Variants in TARS3 observed in about 807,000 individuals in gnomAD.
The protein encoded by TARS3 is threonyl-tRNA synthetase 3, also known as threonine--tRNA ligase 2, cytoplasmic.
A neutral mutation model predicts 103.5 loss-of-function variants in TARS3; 94 were observed. The observed-to-expected ratio is 0.91, with a 90% CI of 0.77 to 1.08. The LOEUF (loss-of-function observed/expected upper bound fraction) is 1.08, where lower values mean the gene tolerates loss of function less well. TARS3 is among the 50% of genes least tolerant of loss of function. The pLI is 0.00. For missense variants in TARS3, 952 were observed against 995.2 expected, an observed-to-expected ratio of 0.96 and a Z score of 0.58; for synonymous variants, 416 against 355.4, an observed-to-expected ratio of 1.17 and a Z score of -1.92.
intron 13 of TARS3, among the ~76,000 whole-genome samples, chr15:101,674,731 G>A (rs1235678385): frequency 6.6e-6 from 1 of 151,942 alleles, no homozygotes; most frequent in Admixed American, 6.6e-5. Context: ...CGTGAACCCG[G>A]GAGGTGGAGC....
intron 18 of TARS3, chr15:101,655,998 C>G: frequency 1.0e-5 from 13 of 1,289,222 alleles, no homozygotes; most frequent in Non-Finnish European, 1.3e-5. Flanking sequence ...ATGCTTCTTG[C>G]CACACAGAAG....
intron 6 of TARS3, among the ~76,000 whole-genome samples, chr15:101,708,074 T>C (rs1036874558): frequency 3.3e-5 from 5 of 151,814 alleles, no homozygotes; most frequent in African/African-American, 1.2e-4. Flanking sequence ...CAAAACTTTG[T>C]CTCTACTAAA....
intron 10 of TARS3, among the ~76,000 whole-genome samples, chr15:101,688,929 G>T (rs1396502413): frequency 6.6e-6 from 1 of 152,134 alleles, no homozygotes; most frequent in Admixed American, 6.5e-5. Flanking sequence ...CAGATACCCA[G>T]TCCTATGTCT....
At chr15:101,654,860 G>T in intron 18 of TARS3, 130 bp from the exon 19 acceptor site, 1 of 873,536 alleles carries the variant, frequency 1.1e-6, no homozygotes, top group Non-Finnish European at 1.8e-6. Flanking sequence ...TGAGCATTTG[G>T]TTCATCCTCT....
At chr15:101,685,257 T>G (rs1898418963) in intron 11 of TARS3, among the ~76,000 whole-genome samples, 1 of 152,198 alleles carries the variant, frequency 6.6e-6, no homozygotes, top group Admixed American at 6.5e-5. Flanking sequence ...CTATTCAGTT[T>G]CAGTTGTACA....
intron 6 of TARS3, 96 bp from the exon 7 acceptor site, chr15:101,705,843 C>G (rs1596320400): frequency 5.8e-6 from 6 of 1,041,602 alleles, no homozygotes; most frequent in Admixed American, 2.0e-5. Context: ...AGGTCATCTA[C>G]TGATGTTCTA....
At chr15:101,703,165 T>G (rs181144356) in intron 8 of TARS3, among the ~76,000 whole-genome samples, 1 of 152,220 alleles carries the variant, frequency 6.6e-6, no homozygotes, top group Non-Finnish European at 1.5e-5. Flanking sequence ...GTTTTCTCCA[T>G]TACAACATCA....
chr15:101,668,488 A>T (rs1567325976), intron 15 of TARS3, among the ~76,000 whole-genome samples: 2 of 152,180 alleles, frequency 1.3e-5, no homozygotes, highest in Non-Finnish European at 1.5e-5. Flanking sequence ...AATCACCATA[A>T]CAGATAGAAT....
Position 101,721,157 on chromosome 15 carries a change from T to C in TARS3, c.535A>G (p.Thr179Ala). 6.2e-7 allele frequency: 1 copy of C among 1,602,636 alleles called. No individual in the cohort carries two copies. The highest frequency in any genetic ancestry group is 2.2e-5 in the East Asian group (1 of 44,554). ...TCAGCAGCCACTTGGTAAGGCGTTG[T>C]TTTCCAGACTTCCCCTTGCACTGTT... ...GQTVQGEVWK[T>A]TPYQVAAEIS... Residue 179 changes from threonine to alanine, a missense_variant, in exon 3 of 19, where the codon ACA (threonine) becomes GCA (alanine). Physicochemically the swap from Thr to Ala is moderately conservative, Grantham distance 58. Transcript: ENST00000335968.
At chr15:101,723,069 A>G (rs1404945735) in intron 2 of TARS3, 24 bp downstream of exon 2, 3 of 1,602,430 alleles carry the variant, frequency 1.9e-6, no homozygotes, top group Non-Finnish European at 1.7e-6. Context: ...AGTATTTTAT[A>G]TTGTTTCCAC....
intron 6 of TARS3, among the ~76,000 whole-genome samples, chr15:101,707,278 G>A (rs538056532): frequency 1.4e-4 from 21 of 152,284 alleles, no homozygotes; most frequent in African/African-American, 4.1e-4. Flanking sequence ...ACGGTATGGC[G>A]AGTTCTCGAA....
rs1298230994 is a variant in TARS3 at position 101,655,243 on chromosome 15, T to C, written c.2261-513A>G. ...ACACTGACCCCACCTGGCACTAGGGTGCAAATGAGAGGGGGGAGCTCTTAC... is the reference window on the plus strand; with the variant it reads ...ACACTGACCCCACCTGGCACTAGGGCGCAAATGAGAGGGGGGAGCTCTTAC... On this transcript the variant is annotated intron_variant, in intron 18 of 18. Transcript: ENST00000335968. Among the ~76,000 whole-genome samples, 86 of 95,028 alleles carry C rather than the reference T, an allele frequency of 9.0e-4. 1 individual carries two copies. Among genetic ancestry groups the C allele is most frequent in the African/African-American group, 2.3e-3 (52 of 22,340 alleles). The allele number at this position is 95,028 out of a possible 152,430, so 62.3% of individuals were successfully genotyped here.
chr15:101,702,683 C>A, intron 8 of TARS3, among the ~76,000 whole-genome samples: 1 of 152,150 alleles, frequency 6.6e-6, no homozygotes, highest in East Asian at 1.9e-4. Flanking sequence ...GGCAGGAGGA[C>A]TGTTTGAGCC....
intron 4 of TARS3, among the ~76,000 whole-genome samples, chr15:101,712,567 G>A (rs559841775): frequency 6.6e-6 from 1 of 152,166 alleles, no homozygotes; most frequent in Non-Finnish European, 1.5e-5. Context: ...GCCAGGGAAC[G>A]TCTGCTGGCT....
At chr15:101,670,279 G>A (rs1047099893) in intron 15 of TARS3, among the ~76,000 whole-genome samples, 3 of 152,054 alleles carry the variant, frequency 2.0e-5, no homozygotes, top group African/African-American at 4.8e-5. Context: ...TTCCTCCAAG[G>A]GCTAGTATCT....
At chr15:101,712,079 G>A (rs1011629135) in intron 4 of TARS3, 78 bp from the exon 5 acceptor site, 4 of 1,479,644 alleles carry the variant, frequency 2.7e-6, no homozygotes, top group Non-Finnish European at 3.6e-6. Context: ...ATGTAAACCA[G>A]TAGAAAATTT....
intron 6 of TARS3, 126 bp downstream of exon 6, chr15:101,708,667 C>T (rs1899700928): frequency 1.4e-6 from 1 of 713,352 alleles, no homozygotes; most frequent in Non-Finnish European, 2.5e-6. Context: ...AACAACCTCA[C>T]AGTAGCTTAA....
At chr15:101,715,597 T>C (rs1900115520) in intron 3 of TARS3, among the ~76,000 whole-genome samples, 1 of 152,334 alleles carries the variant, frequency 6.6e-6, no homozygotes, top group Non-Finnish European at 1.5e-5. Flanking sequence ...CGCACACATA[T>C]GTGCTGTCTT....
At chr15:101,705,790 G>C (rs760007973) in intron 6 of TARS3, 43 bp from the exon 7 acceptor site, 22 of 1,434,480 alleles carry the variant, frequency 1.5e-5, no homozygotes, top group Non-Finnish European at 1.9e-5. Flanking sequence ...ACACAATGTT[G>C]AAATGAAGAA....
Sources: allele counts gnomAD v4.1 joint callset (sites outside exome capture counted in the v4.1 genomes callset), GRCh38; gene constraint gnomAD v4.1.1; transcripts MANE v1.5; gene names NCBI Gene and HGNC (gene_info 2026-07-23, HGNC 2026-07-21).